Variants in SPOCK3 observed in about 807,000 individuals in gnomAD.
The protein encoded by SPOCK3 is testican-3.
Under a neutral mutation model 56.6 loss-of-function variants are expected in SPOCK3, and 30 were observed. The observed-to-expected ratio is 0.53, with a 90% CI of 0.40 to 0.72. SPOCK3 has a LOEUF of 0.72. Ranked by LOEUF, SPOCK3 falls within the 30% of genes least tolerant of loss-of-function variation. The pLI, the probability that SPOCK3 is intolerant of heterozygous loss-of-function variation, is 0.00. For missense variants in SPOCK3, 527 were observed against 530.0 expected, an observed-to-expected ratio of 0.99 and a Z score of 0.06; for synonymous variants, 196 against 183.3, an observed-to-expected ratio of 1.07 and a Z score of -0.56.
chr4:166,845,207 A>G (rs530102949), intron 6 of SPOCK3, among the ~76,000 whole-genome samples: 1 of 152,358 alleles, frequency 6.6e-6, no homozygotes, highest in East Asian at 1.9e-4. Context: ...AAGAAATCAT[A>G]TTTTATAATT....
intron 2 of SPOCK3, among the ~76,000 whole-genome samples, chr4:167,079,825 T>C (rs1466585645): frequency 6.6e-6 from 1 of 152,026 alleles, no homozygotes; most frequent in African/African-American, 2.4e-5. Context: ...TACATTAGCA[T>C]AGTTGTTTAT....
At chr4:166,850,928 C>T (rs1432045274) in intron 6 of SPOCK3, among the ~76,000 whole-genome samples, 1 of 152,222 alleles carries the variant, frequency 6.6e-6, no homozygotes, top group Non-Finnish European at 1.5e-5. Context: ...CTTAGGTAAA[C>T]AAAGCAGCCA....
chr4:166,734,671 A>C lies in SPOCK3; in HGVS notation c.*250T>G, dbSNP rs1182151898. 1.8e-5 allele frequency: 6 copies of C among 331,616 alleles called. No homozygotes were observed. The highest frequency in any genetic ancestry group is 2.2e-5 in the Non-Finnish European group (4 of 185,678). The allele number at this position is 331,616 out of a possible 1,614,324, so 20.5% of individuals were successfully genotyped here. A position where few individuals can be genotyped will look rare whatever the true frequency, so the allele number is the denominator to read the frequency against. ...GAAAAACTTATTATAGTAGCACTTC[A>C]AAACTTTATTTTGTCTGACTAGACT... On this transcript the variant is annotated 3_prime_UTR_variant, in exon 11 of 11. Transcript: ENST00000357545.
intron 3 of SPOCK3, among the ~76,000 whole-genome samples, chr4:167,050,733 G>A (rs972345740): frequency 6.6e-6 from 1 of 152,152 alleles, no homozygotes; most frequent in Non-Finnish European, 1.5e-5. Flanking sequence ...GGGAAATTCT[G>A]ACACATGCTA....
intron 3 of SPOCK3, among the ~76,000 whole-genome samples, chr4:167,009,760 C>T (rs143711147): frequency 0.011 from 1,733 of 152,078 alleles, 20 homozygotes; most frequent in Non-Finnish European, 0.013. Context: ...CAAAAACTAG[C>T]ATATCAAGAA....
At chr4:167,045,313 T>C (rs1753614935) in intron 3 of SPOCK3, among the ~76,000 whole-genome samples, 1 of 152,114 alleles carries the variant, frequency 6.6e-6, no homozygotes, top group South Asian at 2.1e-4. Flanking sequence ...TTTAAGCATA[T>C]AGTTGGTTCT....
intron 2 of SPOCK3, among the ~76,000 whole-genome samples, chr4:167,183,317 T>C (rs1424900195): frequency 6.6e-6 from 1 of 152,180 alleles, no homozygotes; most frequent in Admixed American, 6.5e-5. Flanking sequence ...ATAAAACCAA[T>C]ATAATCTTCT....
At chr4:166,884,350 TCAA>T (rs1364538955) in intron 6 of SPOCK3, among the ~76,000 whole-genome samples, 172 of 147,340 alleles carry the variant, frequency 1.2e-3, no homozygotes, top group African/African-American at 3.4e-3. Flanking sequence ...AGACTCCATC[TCAA>T]CAACAACAAC....
At chr4:167,133,113 T>C (rs1266165861) in intron 2 of SPOCK3, among the ~76,000 whole-genome samples, 3 of 152,182 alleles carry the variant, frequency 2.0e-5, no homozygotes, top group African/African-American at 7.2e-5. Flanking sequence ...TATGTTATAT[T>C]ACAATGCAAA....
At chr4:167,144,689 G>T (rs1480586711) in intron 2 of SPOCK3, among the ~76,000 whole-genome samples, 1 of 139,120 alleles carries the variant, frequency 7.2e-6, no homozygotes, top group South Asian at 2.2e-4. Context: ...CCCACTGAAA[G>T]AAATGTGAAG....
chr4:167,110,560 AC>A (rs1760814659), intron 2 of SPOCK3, among the ~76,000 whole-genome samples: 1 of 152,092 alleles, frequency 6.6e-6, no homozygotes, highest in African/African-American at 2.4e-5. Flanking sequence ...GAACCAAAGA[AC>A]AAAAAGGTGA....
intron 3 of SPOCK3, 55 bp downstream of exon 3, chr4:167,062,437 G>A: frequency 7.5e-7 from 1 of 1,330,838 alleles, no homozygotes; most frequent in Non-Finnish European, 1.1e-6. Context: ...ATTTCTAAAA[G>A]TACAATGATT....
At chr4:167,134,003 A>C (rs1762900269) in intron 2 of SPOCK3, among the ~76,000 whole-genome samples, 1 of 148,994 alleles carries the variant, frequency 6.7e-6, no homozygotes, top group African/African-American at 2.5e-5. Context: ...TATAACTTTC[A>C]TAACTTTTAC....
chr4:167,144,750 G>A (rs964565011), intron 2 of SPOCK3, among the ~76,000 whole-genome samples: 4 of 140,072 alleles, frequency 2.9e-5, no homozygotes, highest in South Asian at 2.4e-4. Context: ...TAGGGAAAAG[G>A]AAACACAAGT....
At chr4:167,166,474 C>G (rs1329432596) in intron 2 of SPOCK3, among the ~76,000 whole-genome samples, 2 of 152,054 alleles carry the variant, frequency 1.3e-5, no homozygotes, top group African/African-American at 2.4e-5. Flanking sequence ...TACAATCTAT[C>G]TCTCAAGAGC....
intron 6 of SPOCK3, among the ~76,000 whole-genome samples, chr4:166,811,879 T>A (rs1172331826): frequency 6.6e-6 from 1 of 151,822 alleles, no homozygotes; most frequent in African/African-American, 2.4e-5. Flanking sequence ...TTTAGGAAAA[T>A]GTTTTCATTT....
chr4:167,164,916 T>A (rs1468179924), intron 2 of SPOCK3, among the ~76,000 whole-genome samples: 1 of 152,124 alleles, frequency 6.6e-6, no homozygotes, highest in East Asian at 1.9e-4. Flanking sequence ...GCATGTGTCT[T>A]TATAGTAGAA....
At chr4:166,754,108 A>T (rs1736758370) in intron 8 of SPOCK3, 1 of 973,866 alleles carries the variant, frequency 1.0e-6, no homozygotes, top group African/African-American at 1.7e-5. Context: ...ATTTAATAAG[A>T]TCACAAAATA....
chr4:166,966,792 C>T (rs191425871), intron 4 of SPOCK3, among the ~76,000 whole-genome samples: 4 of 152,238 alleles, frequency 2.6e-5, no homozygotes, highest in Non-Finnish European at 4.4e-5. Context: ...TTTGACCTTA[C>T]TGACCCTCTA....
Sources: allele counts gnomAD v4.1 joint callset (sites outside exome capture counted in the v4.1 genomes callset), GRCh38; gene constraint gnomAD v4.1.1; transcripts MANE v1.5; gene names NCBI Gene and HGNC (gene_info 2026-07-23, HGNC 2026-07-21).